The following CBFA2T3 variants were observed in gnomAD, a reference collection of about 807,000 sequenced individuals.
The protein encoded by CBFA2T3 is CBFA2/RUNX1 partner transcriptional co-repressor 3.
CBFA2T3 carries 31 observed loss-of-function variants against 58.6 expected under a neutral mutation model. That is an observed-to-expected ratio of 0.53 (90% CI 0.40 to 0.71). The LOEUF is 0.71. CBFA2T3 is among the 30% of genes least tolerant of loss of function. The probability of loss-of-function intolerance (pLI) is 0.00; values close to 1 mark genes in which losing one functional copy is unlikely to be tolerated. For synonymous variants in CBFA2T3, 531 were observed against 421.9 expected (o/e 1.26, Z -3.17); for missense variants, 1,076 against 963.1 (o/e 1.12, Z -1.55).
At chr16:88,894,733 TG>T (rs1489954619) in intron 3 of CBFA2T3, among the ~76,000 whole-genome samples, 3 of 150,790 alleles carry the variant, frequency 2.0e-5, no homozygotes, top group Non-Finnish European at 3.0e-5. Context: ...GGTCTACGGG[TG>T]GGGGGCAGCT....
At chr16:88,927,958 A>C (rs1484930045) in intron 1 of CBFA2T3, among the ~76,000 whole-genome samples, 1 of 152,202 alleles carries the variant, frequency 6.6e-6, no homozygotes, top group Non-Finnish European at 1.5e-5. Context: ...CGTCCTCTGA[A>C]GTGGGAGCCG....
At chr16:88,956,484 G>A (rs1015582099) in intron 1 of CBFA2T3, among the ~76,000 whole-genome samples, 7 of 152,380 alleles carry the variant, frequency 4.6e-5, no homozygotes, top group African/African-American at 1.2e-4. Flanking sequence ...GTAGAGGAAC[G>A]CGGAGCTTCT....
chr16:88,944,392 C>T (rs909988667), intron 1 of CBFA2T3, among the ~76,000 whole-genome samples: 15 of 151,182 alleles, frequency 9.9e-5, no homozygotes, highest in African/African-American at 3.4e-4. Flanking sequence ...GGCATGGCAG[C>T]GTTTCCAAGT....
At chr16:88,900,736 C>T (rs2142634802) in intron 2 of CBFA2T3, among the ~76,000 whole-genome samples, 1 of 152,332 alleles carries the variant, frequency 6.6e-6, no homozygotes, top group East Asian at 1.9e-4. Context: ...CGCTGCCACC[C>T]CGCCGGCCCA....
chr16:88,885,233 G>T lies in CBFA2T3; in HGVS notation c.930C>A (p.His310Gln), dbSNP rs753222808. The part of the protein sequence containing the change: ...KENGSDRDPL[H>Q]PEHLSKRPCT... ...ATGGCCGTTTGCTGAGGTGCTCGGG[G>T]TGCAGCGGGTCGCGGTCTGACCCGT... The change falls in exon 7 of 12, where the codon CAC becomes CAA. Residue 310 changes from histidine (H) to glutamine (Q), a missense_variant. Physicochemically the swap from His to Gln is conservative, Grantham distance 24. Coordinates refer to ENST00000268679, the MANE Select transcript of CBFA2T3 (RefSeq NM_005187.6). The surrounding 1 kb of genome is among the most constrained non-coding windows in gnomAD (Gnocchi z 5.3). 17 of 1,584,326 alleles carry T rather than the reference G, an allele frequency of 1.1e-5. No homozygotes were observed. The highest frequency in any genetic ancestry group is 1.5e-5 in the Non-Finnish European group (17 of 1,161,660).
chr16:88,975,017 GCACCCAAGTGA>G, intron 1 of CBFA2T3, among the ~76,000 whole-genome samples: 1 of 146,312 alleles, frequency 6.8e-6, no homozygotes, highest in Non-Finnish European at 1.5e-5. Context: ...GCAGGACCCC[GCACCCAAGTGA>G]GACCCTGCTC....
chr16:88,885,881 C>A lies in CBFA2T3; in HGVS notation c.893+80G>T, dbSNP rs1374565634. On this transcript the variant is annotated intron_variant, in intron 6 of 11. Coordinates refer to ENST00000268679, the MANE Select transcript of CBFA2T3 (RefSeq NM_005187.6). The surrounding 1 kb of genome is among the most constrained non-coding windows in gnomAD (Gnocchi z 5.3). ...GCTGGCTGCAGCCCCAGAGGAGGTT[C>A]CCTCTCTTACCCAGAGGGGAGCAGG... is the stretch of plus-strand genomic sequence containing the variant. 13 of 1,288,440 alleles carry A rather than the reference C, an allele frequency of 1.0e-5. No homozygotes were observed. The highest frequency in any genetic ancestry group is 1.4e-5 in the Non-Finnish European group (13 of 931,262). The allele number at this position is 1,288,440 out of a possible 1,614,324, so 79.8% of individuals were successfully genotyped here.
intron 1 of CBFA2T3, among the ~76,000 whole-genome samples, chr16:88,909,341 C>A (rs992146703): frequency 1.3e-5 from 2 of 152,230 alleles, no homozygotes; most frequent in Non-Finnish European, 2.9e-5. Context: ...CCGGGCCCTG[C>A]AACCTGGGTG....
chr16:88,909,998 C>T (rs1013051119), intron 1 of CBFA2T3, among the ~76,000 whole-genome samples: 7 of 152,228 alleles, frequency 4.6e-5, no homozygotes, highest in South Asian at 2.1e-4. Flanking sequence ...GCTCCCACGG[C>T]GGCTCCCCAG....
At chr16:88,934,991 T>C (rs915497601) in intron 1 of CBFA2T3, among the ~76,000 whole-genome samples, 29 of 152,124 alleles carry the variant, frequency 1.9e-4, no homozygotes, top group Admixed American at 5.2e-4. Flanking sequence ...CCACCCGCCT[T>C]GGCCTCCCAA....
At position 88,881,374 on chromosome 16, in the gene CBFA2T3, T is replaced by G. The variant is rs776663362; in HGVS notation, c.1319A>C (p.Asp440Ala). ...GGGGCCCTTCTTTGTGTCCTCGGCG[T>G]CGCTGTAGCGCCGCGCCCAGTGGTT... ...ELNHWARRYS[D>A]AEDTKKGPAP... The change falls in exon 9 of 12, where the codon GAC becomes GCC. Residue 440 changes from aspartate (D) to alanine (A), a missense_variant. Asp to Ala is a moderately radical substitution (Grantham distance 126). Coordinates refer to ENST00000268679, the MANE Select transcript of CBFA2T3 (RefSeq NM_005187.6). 4 of 1,591,902 alleles carry G rather than the reference T, an allele frequency of 2.5e-6. No homozygotes were observed. The South Asian group carries it at 3.4e-5, about 13-fold the overall frequency.
rs115711071 is a variant in CBFA2T3, at chr16:88,910,832, G to A, written c.152-9176C>T. Among the ~76,000 whole-genome samples the A allele has an allele frequency of 5.5e-3, 844 of 152,292 alleles. 4 individuals carry two copies. Among genetic ancestry groups the A allele is most frequent in the African/African-American group, 0.019 (809 of 41,562 alleles). On this transcript the variant is annotated intron_variant, in intron 1 of 11. Coordinates refer to ENST00000268679, the MANE Select transcript of CBFA2T3 (RefSeq NM_005187.6). ...CTTGGCAGGCTCTAGGACAGTGGGT[G>A]TCCCCCCAAATCCCCTCGTATCCAG...
intron 1 of CBFA2T3, among the ~76,000 whole-genome samples, chr16:88,951,929 G>A (rs1009862887): frequency 2.0e-5 from 3 of 152,190 alleles, no homozygotes; most frequent in African/African-American, 7.2e-5. Flanking sequence ...GCTTGAGCCA[G>A]CACAGTCCCA....
chr16:88,920,287 C>CT (rs1412687422), intron 1 of CBFA2T3, among the ~76,000 whole-genome samples: 1 of 152,066 alleles, frequency 6.6e-6, no homozygotes, highest in African/African-American at 2.4e-5. Flanking sequence ...ATTTTATCTT[C>CT]TTTTTTTGAG....
intron 1 of CBFA2T3, among the ~76,000 whole-genome samples, chr16:88,915,855 G>A (rs938287646): frequency 6.6e-6 from 1 of 151,910 alleles, no homozygotes; most frequent in African/African-American, 2.4e-5. Context: ...TCAGAATCTC[G>A]CCCTCTCTGG....
chr16:88,976,189 G>T (rs1435248092), intron 1 of CBFA2T3, among the ~76,000 whole-genome samples: 1 of 152,188 alleles, frequency 6.6e-6, no homozygotes, highest in Non-Finnish European at 1.5e-5. Flanking sequence ...CCCAGGGTTG[G>T]GTCCATTTCC....
chr16:88,939,537 G>C (rs1055384227), intron 1 of CBFA2T3: 2 of 152,354 alleles, frequency 1.3e-5, no homozygotes, highest in African/African-American at 4.8e-5. Context: ...TTGCCCAGCA[G>C]GACGGTCCCA....
chr16:88,906,038 G>C (rs1389764996), intron 1 of CBFA2T3, among the ~76,000 whole-genome samples: 3 of 152,004 alleles, frequency 2.0e-5, no homozygotes, highest in Non-Finnish European at 4.4e-5. Context: ...CTCTTCAAAG[G>C]GGATGGAGAT....
intron 8 of CBFA2T3, 88 bp downstream of exon 8, chr16:88,882,588 G>A: frequency 2.3e-6 from 1 of 427,024 alleles, no homozygotes; most frequent in Non-Finnish European, 3.6e-6. Context: ...GTGGCTGTGT[G>A]TGCATGGCTG....
Sources: allele counts gnomAD v4.1 joint callset (sites outside exome capture counted in the v4.1 genomes callset), GRCh38; gene constraint gnomAD v4.1.1; non-coding constraint Gnocchi (gnomAD v3.1); transcripts MANE v1.5; gene names NCBI Gene and HGNC (gene_info 2026-07-23, HGNC 2026-07-21).